Variants in RBFOX1 observed in about 807,000 individuals in gnomAD.
RBFOX1 encodes the protein RNA binding protein fox-1 homolog 1.
Under a neutral mutation model 57.7 loss-of-function variants are expected in RBFOX1, and 8 were observed. The ratio of observed to expected loss-of-function variants is 0.14; its 90% confidence interval spans 0.08 to 0.25. The LOEUF is 0.25. RBFOX1 is among the 10% of genes least tolerant of loss of function. The pLI is 1.00. For synonymous variants in RBFOX1, 326 were observed against 222.4 expected, an observed-to-expected ratio of 1.47 and a Z score of -4.15; for missense variants, 611 against 548.5, an observed-to-expected ratio of 1.11 and a Z score of -1.14.
chr16:7,548,017 C>T (rs1483921982), intron 5 of RBFOX1, among the ~76,000 whole-genome samples: 1 of 152,194 alleles, frequency 6.6e-6, no homozygotes, highest in African/African-American at 2.4e-5. Flanking sequence ...TTTTGGATTG[C>T]TGTAAAGAGG....
intron 1 of RBFOX1, among the ~76,000 whole-genome samples, chr16:6,234,452 C>T (rs1186184721): frequency 6.6e-6 from 1 of 152,148 alleles, no homozygotes; most frequent in Non-Finnish European, 1.5e-5. Flanking sequence ...CTTCCTGCCA[C>T]TTAGCATGGT....
chr16:7,538,842 C>A (rs1412609520), intron 5 of RBFOX1, among the ~76,000 whole-genome samples: 1 of 149,034 alleles, frequency 6.7e-6, no homozygotes, highest in Non-Finnish European at 1.5e-5. Context: ...CACATCTCCT[C>A]CCCCGCACCC....
At chr16:6,553,567 C>G (rs142832506) in intron 2 of RBFOX1, among the ~76,000 whole-genome samples, 2 of 152,324 alleles carry the variant, frequency 1.3e-5, no homozygotes, top group East Asian at 3.9e-4. Flanking sequence ...TATCTAATCA[C>G]ATCTTACTCA....
intron 4 of RBFOX1, among the ~76,000 whole-genome samples, chr16:5,996,903 C>G (rs1408089130): frequency 1.3e-5 from 2 of 152,114 alleles, no homozygotes; most frequent in Non-Finnish European, 2.9e-5. Context: ...AAAGTAAGAG[C>G]AAAAACCACA....
chr16:7,154,715 G>GTT (rs2076754837), intron 4 of RBFOX1, among the ~76,000 whole-genome samples: 1 of 110,254 alleles, frequency 9.1e-6, no homozygotes, highest in East Asian at 3.2e-4. Flanking sequence ...GTGTGTGTGT[G>GTT]TGTGTGTGTG....
Position 7,304,021 on chromosome 16 carries a change from A to G in RBFOX1, c.28-214126A>G, listed in dbSNP as rs574814325. On this transcript the variant is annotated intron_variant, in intron 4 of 15. Coordinates refer to ENST00000550418, the MANE Select transcript of RBFOX1 (RefSeq NM_018723.4). ...TCCGGGGGATCAAAAAGCAGGCCCA[A>G]CAACCCAGAAAAGCCAGACGACCGC... Among the ~76,000 whole-genome samples, 5 of 151,878 alleles carry G rather than the reference A, an allele frequency of 3.3e-5. No homozygotes were observed. The South Asian group carries it at 8.3e-4, about 25-fold the overall frequency.
chr16:7,436,365 C>T (rs918114953), intron 4 of RBFOX1, among the ~76,000 whole-genome samples: 3 of 152,162 alleles, frequency 2.0e-5, no homozygotes, highest in Non-Finnish European at 4.4e-5. Context: ...TGTTTGAACA[C>T]ATATAGTGCG....
chr16:6,229,942 G>A (rs2097446229), intron 1 of RBFOX1, among the ~76,000 whole-genome samples: 1 of 151,666 alleles, frequency 6.6e-6, no homozygotes, highest in African/African-American at 2.4e-5. Flanking sequence ...TTATTTTAAA[G>A]GAAAAGAAAA....
chr16:6,234,426 A>C (rs997644237), intron 1 of RBFOX1, among the ~76,000 whole-genome samples: 1 of 152,222 alleles, frequency 6.6e-6, no homozygotes, highest in East Asian at 1.9e-4. Flanking sequence ...TTTTTATTGG[A>C]TCCTTATCAT....
intron 2 of RBFOX1, among the ~76,000 whole-genome samples, chr16:5,593,224 A>G (rs1316036955): frequency 6.6e-6 from 1 of 152,170 alleles, no homozygotes; most frequent in Non-Finnish European, 1.5e-5. Flanking sequence ...CATCATTCTC[A>G]GCAAACTAAC....
intron 5 of RBFOX1, among the ~76,000 whole-genome samples, chr16:7,522,563 G>A (rs748210160): frequency 7.9e-4 from 121 of 152,282 alleles, no homozygotes; most frequent in Non-Finnish European, 4.4e-4. Context: ...GGCATTGCCC[G>A]TTATAAATAT....
intron 4 of RBFOX1, among the ~76,000 whole-genome samples, chr16:7,154,037 T>C (rs568906007): frequency 1.3e-5 from 2 of 152,316 alleles, no homozygotes; most frequent in East Asian, 3.9e-4. Flanking sequence ...GTTGTTTTTG[T>C]TACTAGTATT....
intron 3 of RBFOX1, among the ~76,000 whole-genome samples, chr16:6,657,299 A>G (rs1021260972): frequency 6.6e-6 from 1 of 152,038 alleles, no homozygotes; most frequent in Admixed American, 6.6e-5. Flanking sequence ...CTCTGTTTCT[A>G]ACAATTGTTA....
At chr16:7,507,065 G>A (rs1341497601) in intron 4 of RBFOX1, among the ~76,000 whole-genome samples, 1 of 152,238 alleles carries the variant, frequency 6.6e-6, no homozygotes, top group East Asian at 1.9e-4. Flanking sequence ...TATGAATAAG[G>A]AAACTGGGTC....
At chr16:6,719,681 T>C (rs544105261) in intron 3 of RBFOX1, among the ~76,000 whole-genome samples, 1 of 151,872 alleles carries the variant, frequency 6.6e-6, no homozygotes, top group Non-Finnish European at 1.5e-5. Flanking sequence ...CTCCTGACCT[T>C]GTGATCCACC....
chr16:6,515,622 C>G (rs1050384534), intron 2 of RBFOX1, among the ~76,000 whole-genome samples: 2 of 152,118 alleles, frequency 1.3e-5, no homozygotes, highest in African/African-American at 2.4e-5. Context: ...TTCCATTATT[C>G]TCTGTGCTTA....
At chr16:6,881,972 G>C (rs2063031001) in intron 3 of RBFOX1, among the ~76,000 whole-genome samples, 1 of 152,154 alleles carries the variant, frequency 6.6e-6, no homozygotes, top group South Asian at 2.1e-4. Flanking sequence ...TTGGTTATGG[G>C]TTAGACATAA....
chr16:5,367,588 T>C (rs2065753627), intron 1 of RBFOX1, among the ~76,000 whole-genome samples: 1 of 152,218 alleles, frequency 6.6e-6, no homozygotes, highest in African/African-American at 2.4e-5. Flanking sequence ...TATTACTTCA[T>C]TATCTTACTG....
intron 1 of RBFOX1, among the ~76,000 whole-genome samples, chr16:6,189,143 T>G (rs565091380): frequency 1.3e-5 from 2 of 152,370 alleles, no homozygotes; most frequent in East Asian, 1.9e-4. Flanking sequence ...TCTGTTGTCA[T>G]GCAATTGTTT....
Sources: gnomAD v4.1 joint callset for allele counts (sites outside exome capture counted in the v4.1 genomes callset) on GRCh38, gnomAD v4.1.1 for gene constraint, MANE v1.5 for transcripts, NCBI Gene and HGNC (gene_info 2026-07-23, HGNC 2026-07-21) for gene names.